Variants in CHRNA3 observed in about 807,000 individuals in gnomAD.
CHRNA3 encodes neuronal acetylcholine receptor subunit alpha-3.
In CHRNA3, 34 loss-of-function variants were observed where a neutral mutation model predicts 41.9. The observed-to-expected ratio is 0.81, with a 90% CI of 0.62 to 1.08. The LOEUF (loss-of-function observed/expected upper bound fraction) is 1.08, where lower values mean the gene tolerates loss of function less well. Among genes scored for constraint, CHRNA3 ranks in the 50% least tolerant of loss-of-function variants. The pLI, the probability that CHRNA3 is intolerant of heterozygous loss-of-function variation, is 0.00. For synonymous variants in CHRNA3, 281 were observed against 265.2 expected (o/e 1.06, Z -0.58); for missense variants, 542 against 638.3 (o/e 0.85, Z 1.63).
rs1277670065 is a variant in CHRNA3 at position 78,601,424 on chromosome 15, G to A, written c.1218C>T (p.His406=). 8 of 1,614,174 alleles carry A rather than the reference G, an allele frequency of 5.0e-6. No individual in the cohort carries two copies. The highest frequency in any genetic ancestry group is 6.8e-6 in the Non-Finnish European group (8 of 1,180,036). ...AATTGGAGATTTTTATCCTGCGGTG[G>A]TGGCAGTAACCACACATCCCGTCCT... is the stretch of plus-strand genomic sequence containing the variant. The part of the protein sequence containing the change: ...PCQDGMCGYC[H]HRRIKISNFS... The change falls in exon 5 of 6, where the codon CAC becomes CAT. Residue 406 remains histidine (H), a synonymous_variant. Transcript: ENST00000326828.
Position 78,596,175 on chromosome 15 carries a change from T to C in CHRNA3, c.*429A>G. On this transcript the variant is annotated 3_prime_UTR_variant, in exon 6 of 6. Transcript: ENST00000326828. ...GTAAGAAATGGGTAACGATGGGGGA[T>C]TGCTGAATTAGTATAAACCTTCAAA... is the stretch of plus-strand genomic sequence containing the variant. The C allele has an allele frequency of 2.0e-6, 2 of 985,468 alleles. No individual in the cohort carries two copies. Among genetic ancestry groups the C allele is most frequent in the African/African-American group, 1.7e-5 (1 of 57,358 alleles). The allele number at this position is 985,468 out of a possible 1,614,324, so 61.0% of individuals were successfully genotyped here.
chr15:78,610,879 TA>T (rs1364743165), intron 4 of CHRNA3, among the ~76,000 whole-genome samples: 2 of 152,098 alleles, frequency 1.3e-5, no homozygotes, highest in African/African-American at 4.8e-5. Context: ...TAAAAATTGA[TA>T]AAGGGGATAT....
chr15:78,615,252 G>A (rs544709775), intron 4 of CHRNA3, among the ~76,000 whole-genome samples: 3 of 152,224 alleles, frequency 2.0e-5, no homozygotes, highest in African/African-American at 7.2e-5. Context: ...CCTTTTCCCA[G>A]TGGGAGGAGG....
intron 4 of CHRNA3, among the ~76,000 whole-genome samples, chr15:78,611,139 G>A (rs1294316541): frequency 3.9e-5 from 6 of 152,134 alleles, no homozygotes; most frequent in Non-Finnish European, 5.9e-5. Context: ...TTCTATCAGA[G>A]GTACAAGGAG....
At chr15:78,599,654 C>T (rs1567073593) in intron 5 of CHRNA3, among the ~76,000 whole-genome samples, 1 of 149,360 alleles carries the variant, frequency 6.7e-6, no homozygotes, top group South Asian at 2.1e-4. Flanking sequence ...TCCTTTGTAG[C>T]CCCCTGGATT....
chr15:78,601,571 G>C lies in CHRNA3; in HGVS notation c.1071C>G (p.Thr357=). The C allele has an allele frequency of 6.2e-7, 1 of 1,614,124 alleles. No individual in the cohort carries two copies. The highest frequency in any genetic ancestry group is 8.5e-7 in the Non-Finnish European group (1 of 1,180,036). Residue 357 remains threonine (T), a synonymous_variant, in exon 5 of 6, where the codon ACC becomes ACG. Transcript: ENST00000326828. ...CGTTGCCCTCGTTGCTTGTTGGCCTGGTCATGAACATGACCCTGGGGAGCA... is the reference window on the plus strand; with the variant it reads ...CGTTGCCCTCGTTGCTTGTTGGCCTCGTCATGAACATGACCCTGGGGAGCA... ...LNLLPRVMFM[T]RPTSNEGNAQ...
At chr15:78,616,801 A>G (rs1469802136) in intron 4 of CHRNA3, among the ~76,000 whole-genome samples, 1 of 151,974 alleles carries the variant, frequency 6.6e-6, no homozygotes, top group African/African-American at 2.4e-5. Flanking sequence ...CCACCCACCC[A>G]TGCCTGCTTT....
chr15:78,601,001 CCAGCCTGCTGG>C (rs1435786327), intron 5 of CHRNA3, among the ~76,000 whole-genome samples: 1 of 152,158 alleles, frequency 6.6e-6, no homozygotes, highest in Non-Finnish European at 1.5e-5. Flanking sequence ...GTCCAGCCTG[CCAGCCTGCTGG>C]CAGCCTGGTG....
Position 78,596,327 on chromosome 15 carries a change from A to G in CHRNA3, c.*277T>C, listed in dbSNP as rs199954896. 49 of 1,047,694 alleles carry G rather than the reference A, an allele frequency of 4.7e-5. 2 individuals are homozygous for G. The South Asian group carries it at 1.7e-3, about 37-fold the overall frequency. The allele number at this position is 1,047,694 out of a possible 1,614,324, so 64.9% of individuals were successfully genotyped here. ...AACAACTAAAAGGAAACATTTTTAC[A>G]TGTATATTCCATAGCATAGCATACT... is the stretch of plus-strand genomic sequence containing the variant. On this transcript the variant is annotated 3_prime_UTR_variant, in exon 6 of 6. Transcript: ENST00000326828.
At chr15:78,593,552 G>A (rs2053046302), downstream of CHRNA3, 1 of 198,892 alleles carries the variant, frequency 5.0e-6, no homozygotes, top group South Asian at 1.3e-4. Flanking sequence ...CCACAGTAAA[G>A]TTCATCCTTT....
intron 4 of CHRNA3, among the ~76,000 whole-genome samples, chr15:78,615,208 T>C (rs991049181): frequency 5.3e-5 from 8 of 152,164 alleles, no homozygotes; most frequent in African/African-American, 1.9e-4. Context: ...TTCACATACT[T>C]GGGGGGCTAT....
In CHRNA3 at chr15:78,618,485, C is replaced by T. The variant is rs548114796; in HGVS notation, c.267+132G>A. The T allele has an allele frequency of 4.7e-4, 455 of 977,296 alleles. 6 individuals are homozygous for T. The South Asian group carries it at 6.4e-3, about 14-fold the overall frequency. The allele number at this position is 977,296 out of a possible 1,614,324, so 60.5% of individuals were successfully genotyped here. A position where few individuals can be genotyped will look rare whatever the true frequency, so the allele number is the denominator to read the frequency against. On this transcript the variant is annotated intron_variant, in intron 3 of 5. Coordinates refer to ENST00000326828, the MANE Select transcript of CHRNA3 (RefSeq NM_000743.5). The stretch of plus-strand genomic sequence containing the variant: ...TCAAGCCTTAGAAGAGATATATCTG[C>T]CAGTCAGTGGACCCCAATCTGGGTT...
At chr15:78,618,226 G>A (rs2141346251) in intron 3 of CHRNA3, among the ~76,000 whole-genome samples, 1 of 150,664 alleles carries the variant, frequency 6.6e-6, no homozygotes, top group East Asian at 2.0e-4. Context: ...CGGCCTGGGT[G>A]ACAGAGCGAG....
chr15:78,602,280 G>T lies in CHRNA3; in HGVS notation c.378-16C>A, dbSNP rs771994804. On this transcript the variant is annotated splice_polypyrimidine_tract_variant and intron_variant, in intron 4 of 5. Transcript: ENST00000326828. ...CCCAACAGCACTGCAAAGACAAAGA[G>T]GGGGCACAGTGACACACGGTCATTA... 2.5e-6 allele frequency: 4 copies of T among 1,609,116 alleles called. No individual in the cohort carries two copies. Among genetic ancestry groups the T allele is most frequent in the East Asian group, 2.2e-5 (1 of 44,804 alleles).
At chr15:78,615,930 TG>T (rs77490224) in intron 4 of CHRNA3, among the ~76,000 whole-genome samples, 10,393 of 150,700 alleles carry the variant, frequency 0.069, 935 homozygotes, top group East Asian at 0.31. Context: ...TTAGTAGAGA[TG>T]GGGTTTTGGT....
At chr15:78,619,153 T>C in intron 1 of CHRNA3, 1 of 572,076 alleles carries the variant, frequency 1.7e-6, no homozygotes, top group South Asian at 2.1e-5. Context: ...GTTGCAAGCC[T>C]GGGCTCTGGA....
At chr15:78,609,067 A>G (rs933675000) in intron 4 of CHRNA3, among the ~76,000 whole-genome samples, 5 of 152,228 alleles carry the variant, frequency 3.3e-5, no homozygotes, top group Non-Finnish European at 5.9e-5. Context: ...TCCAAGAAAT[A>G]TGGGACTATG....
At position 78,610,888 on chromosome 15, in the gene CHRNA3, T is replaced by C. The variant is rs1159210500; in HGVS notation, c.377+6136A>G. Among the ~76,000 whole-genome samples, 3 of 152,080 alleles carry C rather than the reference T, an allele frequency of 2.0e-5. No homozygotes were observed. The East Asian group carries it at 5.8e-4, about 29-fold the overall frequency. On this transcript the variant is annotated intron_variant, in intron 4 of 5. Coordinates refer to ENST00000326828, the MANE Select transcript of CHRNA3 (RefSeq NM_000743.5). The stretch of plus-strand genomic sequence containing the variant: ...ATGCAATAAAAATTGATAAAGGGGA[T>C]ATCACCACCGATCCCACAGAAATAC...
chr15:78,594,121 G>A (rs1388114333), downstream of CHRNA3: 1 of 152,134 alleles, frequency 6.6e-6, no homozygotes, highest in Non-Finnish European at 1.5e-5. Context: ...AACAGGAATT[G>A]GGAACTCCTT....
Sources: gnomAD v4.1 joint callset for allele counts (sites outside exome capture counted in the v4.1 genomes callset) on GRCh38, gnomAD v4.1.1 for gene constraint, MANE v1.5 for transcripts, NCBI Gene and HGNC (gene_info 2026-07-23, HGNC 2026-07-21) for gene names.